Variants in ZNF654 observed in about 807,000 individuals in gnomAD.
ZNF654 encodes the protein zinc finger protein 654.
Under a neutral mutation model 95.3 loss-of-function variants are expected in ZNF654, and 19 were observed. The ratio of observed to expected loss-of-function variants is 0.20; its 90% CI spans 0.14 to 0.29. The LOEUF (loss-of-function observed/expected upper bound fraction) is 0.29, where lower values mean the gene tolerates loss of function less well. Ranked by LOEUF, ZNF654 falls within the 10% of genes least tolerant of loss-of-function variation. ZNF654 has a pLI of 1.00. For missense variants in ZNF654, 1,046 were observed against 1,341.0 expected, an observed-to-expected ratio of 0.78 and a Z score of 3.44; for synonymous variants, 413 against 457.9, an observed-to-expected ratio of 0.90 and a Z score of 1.25.
chr3:88,075,797 T>A (rs914655178), intron 1 of ZNF654, among the ~76,000 whole-genome samples: 2 of 152,172 alleles, frequency 1.3e-5, no homozygotes, highest in African/African-American at 4.8e-5. Flanking sequence ...TTATCTCTTG[T>A]AGTGTCTTCC....
At chr3:88,068,834 A>G (rs1707344510) in intron 1 of ZNF654, among the ~76,000 whole-genome samples, 1 of 152,142 alleles carries the variant, frequency 6.6e-6, no homozygotes, top group Admixed American at 6.5e-5. Flanking sequence ...CTAGTATGTG[A>G]TAATCAGACT....
At chr3:88,059,795 C>T (rs1464351038) in intron 1 of ZNF654, among the ~76,000 whole-genome samples, 1 of 152,106 alleles carries the variant, frequency 6.6e-6, no homozygotes, top group Non-Finnish European at 1.5e-5. Flanking sequence ...GACATGCCTT[C>T]CCTACCCCAA....
In ZNF654 at chr3:88,135,038, TTC is replaced by T. The variant is rs990732653; in HGVS notation, c.894-19_894-18del. ...TTTGAATAAACTGTATTTTTGATAA[TTC>T]TCTTTTTTTCTCATTTACAGGGAGT... On this transcript the variant is annotated intron_variant, in intron 6 of 8. Coordinates refer to ENST00000636215, the MANE Select transcript of ZNF654 (RefSeq NM_001350134.2). 5.9e-6 allele frequency: 8 copies of T among 1,352,050 alleles called. 1 individual carries two copies. The highest frequency in any genetic ancestry group is 7.6e-6 in the Non-Finnish European group (8 of 1,048,088). The allele number at this position is 1,352,050 out of a possible 1,614,324, so 83.8% of individuals were successfully genotyped here.
chr3:88,136,695 G>C (rs1706806233), intron 7 of ZNF654, among the ~76,000 whole-genome samples: 1 of 152,184 alleles, frequency 6.6e-6, no homozygotes, highest in Non-Finnish European at 1.5e-5. Flanking sequence ...GGCAGAGACT[G>C]TGTGTGTTAG....
chr3:88,089,193 A>T (rs1268984961), intron 2 of ZNF654, among the ~76,000 whole-genome samples: 59 of 9,210 alleles, frequency 6.4e-3, no homozygotes, highest in Non-Finnish European at 0.026. Flanking sequence ...TTACGTATTA[A>T]AAAAAAAAAA....
intron 1 of ZNF654, among the ~76,000 whole-genome samples, chr3:88,068,614 G>A (rs10865625): frequency 0.78 from 119,201 of 152,118 alleles, 47,620 homozygotes; most frequent in South Asian, 0.91. Context: ...TTAATATCTG[G>A]AAGCTATTAT....
At chr3:88,122,255 A>C (rs1705814116) in intron 3 of ZNF654, among the ~76,000 whole-genome samples, 2 of 152,138 alleles carry the variant, frequency 1.3e-5, no homozygotes, top group African/African-American at 4.8e-5. Flanking sequence ...ATTTTGGGAG[A>C]TGTGGAAGAG....
intron 3 of ZNF654, among the ~76,000 whole-genome samples, chr3:88,125,664 G>T (rs1706056204): frequency 6.6e-6 from 1 of 152,086 alleles, no homozygotes; most frequent in Non-Finnish European, 1.5e-5. Flanking sequence ...ATATATTTGG[G>T]ATCAGGACAG....
chr3:88,139,307 T>C lies in ZNF654; in HGVS notation c.1638T>C (p.Arg546=), dbSNP rs987634275. 2.5e-6 allele frequency: 4 copies of C among 1,592,632 alleles called. No individual in the cohort carries two copies. Among genetic ancestry groups the C allele is most frequent in the Non-Finnish European group, 3.4e-6 (4 of 1,172,088 alleles). The change falls in exon 8 of 9, where the codon CGT becomes CGC. Residue 546 remains arginine, a synonymous_variant. Coordinates refer to ENST00000636215, the MANE Select transcript of ZNF654 (RefSeq NM_001350134.2). The part of the protein sequence containing the change: ...SKVDHNVPRH[R]CMLCNKEFLG... ...TAGATCACAATGTCCCAAGGCATCG[T>C]TGTATGTTATGTAACAAGGAATTTT...
rs1313750613 is a variant in ZNF654, at chr3:88,129,230, A to G, written c.753+219A>G. On this transcript the variant is annotated intron_variant, in intron 5 of 8. Transcript: ENST00000636215. ...TAACAAATGATGAAATCAATAAAATATACTCATTAATAAGTATTATTCACA... is the reference window on the plus strand; with the variant it reads ...TAACAAATGATGAAATCAATAAAATGTACTCATTAATAAGTATTATTCACA... Among the ~76,000 whole-genome samples, 3 of 151,046 alleles carry G rather than the reference A, an allele frequency of 2.0e-5. No individual in the cohort carries two copies. In the Admixed American group the frequency reaches 2.0e-4, roughly 10 times the overall value.
intron 1 of ZNF654, among the ~76,000 whole-genome samples, chr3:88,073,098 AT>A (rs1253495450): frequency 6.6e-6 from 1 of 152,174 alleles, no homozygotes; most frequent in Admixed American, 6.5e-5. Context: ...TAGTTAATTG[AT>A]TAGAAATATG....
chr3:88,127,071 T>A (rs1424411435), intron 4 of ZNF654, among the ~76,000 whole-genome samples: 1 of 152,110 alleles, frequency 6.6e-6, no homozygotes, highest in African/African-American at 2.4e-5. Context: ...AACTGTAGAA[T>A]GTAAGCTCAG....
chr3:88,059,748 A>G (rs1049593227), intron 1 of ZNF654, among the ~76,000 whole-genome samples: 8 of 151,940 alleles, frequency 5.3e-5, no homozygotes, highest in African/African-American at 1.7e-4. Context: ...GAGGGGCTGG[A>G]AAGAAGGAAG....
At chr3:88,071,231 C>CAGT (rs1707492958) in intron 1 of ZNF654, among the ~76,000 whole-genome samples, 1 of 152,144 alleles carries the variant, frequency 6.6e-6, no homozygotes, top group Non-Finnish European at 1.5e-5. Flanking sequence ...TGTATTGGGC[C>CAGT]AGTAGTGGTG....
chr3:88,134,549 C>G (rs1444202089), intron 6 of ZNF654, among the ~76,000 whole-genome samples: 1 of 151,960 alleles, frequency 6.6e-6, no homozygotes, highest in East Asian at 1.9e-4. Context: ...TGGTCCATAA[C>G]CTGTCTGTTT....
rs1279662979 is a variant in ZNF654, at chr3:88,086,289, C to T, written c.219C>T (p.Val73=). The change falls in exon 2 of 9, where the codon GTC becomes GTT. Residue 73 remains valine, a synonymous_variant. Transcript: ENST00000636215. Reference sequence around the variant, plus strand: ...AAGATTATGCTGGAAGATGGCAGGTCCCTTTGCCACAGCTTCAGGTTCTTC... The same window carrying T: ...AAGATTATGCTGGAAGATGGCAGGTTCCTTTGCCACAGCTTCAGGTTCTTC... ...VVEDYAGRWQ[V]PLPQLQVLQT... is the part of the protein sequence containing the mutation. 6.5e-7 allele frequency: 1 copy of T among 1,533,982 alleles called. No individual in the cohort carries two copies. Among genetic ancestry groups the T allele is most frequent in the Non-Finnish European group, 8.7e-7 (1 of 1,146,644 alleles).
At chr3:88,123,393 A>T (rs1315643260) in intron 3 of ZNF654, among the ~76,000 whole-genome samples, 1 of 152,200 alleles carries the variant, frequency 6.6e-6, no homozygotes, top group Non-Finnish European at 1.5e-5. Context: ...AAGCTAGTTT[A>T]CTAATTTTTA....
intron 1 of ZNF654, among the ~76,000 whole-genome samples, chr3:88,083,181 A>T (rs73146099): frequency 3.3e-5 from 5 of 152,146 alleles, no homozygotes; most frequent in African/African-American, 1.2e-4. Context: ...ATACAGTCCC[A>T]TCGGGGGGTT....
intron 3 of ZNF654, among the ~76,000 whole-genome samples, chr3:88,122,608 T>C (rs1705835340): frequency 6.6e-6 from 1 of 152,186 alleles, no homozygotes; most frequent in Admixed American, 6.5e-5. Context: ...GGGGATTATA[T>C]TTAGCACAGT....
Sources: gnomAD v4.1 joint callset for allele counts (sites outside exome capture counted in the v4.1 genomes callset) on GRCh38, gnomAD v4.1.1 for gene constraint, MANE v1.5 for transcripts, NCBI Gene and HGNC (gene_info 2026-07-23, HGNC 2026-07-21) for gene names.